PTPRH: variants seen among roughly 807,000 people sequenced by gnomAD.
PTPRH encodes receptor-type tyrosine-protein phosphatase H.
In PTPRH, 113 loss-of-function variants were observed where a neutral mutation model predicts 130.2. The observed-to-expected ratio is 0.87, with a 90% CI of 0.75 to 1.01. The LOEUF (loss-of-function observed/expected upper bound fraction) is 1.01, where lower values mean the gene tolerates loss of function less well. PTPRH is among the 50% of genes least tolerant of loss of function. The pLI, the probability that PTPRH is intolerant of heterozygous loss-of-function variation, is 0.00. For synonymous variants in PTPRH, 556 were observed against 577.9 expected (o/e 0.96, Z 0.54); for missense variants, 1,430 against 1,425.0 (o/e 1.00, Z -0.06).
In PTPRH at chr19:55,181,713, G is replaced by T. The variant is rs8112238; in HGVS notation, c.*41C>A. 1.2e-6 allele frequency: 2 copies of T among 1,612,296 alleles called. No individual in the cohort carries two copies. The highest frequency in any genetic ancestry group is 1.7e-6 in the Non-Finnish European group (2 of 1,179,132). On this transcript the variant is annotated 3_prime_UTR_variant, in exon 20 of 20. Transcript: ENST00000376350. ...ATCTGGGCTCAAGTGGGTGTCCAGA[G>T]CTTGAGGATGCCTGGGCTGCCGACC... is the stretch of plus-strand genomic sequence containing the variant.
chr19:55,202,088 T>C lies in PTPRH; in HGVS notation c.1121A>G (p.Asn374Ser), dbSNP rs199800897. 1 of 1,614,186 alleles carries C rather than the reference T, an allele frequency of 6.2e-7. No homozygotes were observed. Residue 374 changes from asparagine to serine, a missense_variant, in exon 6 of 20, where the codon AAC becomes AGC. Physicochemically the swap from Asn to Ser is conservative, Grantham distance 46. Coordinates refer to ENST00000376350, the MANE Select transcript of PTPRH (RefSeq NM_002842.5). The part of the protein sequence containing the change: ...FSVWVGKNGI[N>S]SSRETRNATT... Reference sequence around the variant, plus strand: ...GGCATTTCGAGTCTCCCGGGAGCTGTTGATTCCATTCTTCCCCACCCACAC... The same window carrying C: ...GGCATTTCGAGTCTCCCGGGAGCTGCTGATTCCATTCTTCCCCACCCACAC...
In PTPRH at chr19:55,202,289, G is replaced by A; in HGVS notation, c.920C>T (p.Ala307Val). 5.6e-6 allele frequency: 9 copies of A among 1,614,234 alleles called. No homozygotes were observed. Among genetic ancestry groups the A allele is most frequent in the Non-Finnish European group, 7.6e-6 (9 of 1,180,042 alleles). Residue 307 changes from alanine (A) to valine (V), a missense_variant, in exon 6 of 20, where the codon GCT becomes GTT. By Grantham distance (64) the Ala-to-Val change is moderately conservative (BLOSUM62 0). Coordinates refer to ENST00000376350, the MANE Select transcript of PTPRH (RefSeq NM_002842.5). ...CAGGGCGATGGAGCTGTTGGTCTGA[G>A]CCTCCACTGTCAGGTTTCTCACTGG... ...PNPVRNLTVE[A>V]QTNSSIALTW... is the part of the protein sequence containing the mutation.
intron 12 of PTPRH, among the ~76,000 whole-genome samples, chr19:55,188,710 C>T (rs2147416370): frequency 6.6e-6 from 1 of 152,184 alleles, no homozygotes; most frequent in East Asian, 1.9e-4. Flanking sequence ...ATTGCAAAGG[C>T]CACGTTTCAG....
chr19:55,203,175 A>C (rs1258660016), intron 5 of PTPRH, among the ~76,000 whole-genome samples: 1 of 151,030 alleles, frequency 6.6e-6, no homozygotes, highest in Non-Finnish European at 1.5e-5. Context: ...AAAATACAAA[A>C]AATTAGCCAG....
intron 7 of PTPRH, among the ~76,000 whole-genome samples, chr19:55,199,236 G>A (rs2086781586): frequency 6.6e-6 from 1 of 152,214 alleles, no homozygotes; most frequent in Non-Finnish European, 1.5e-5. Flanking sequence ...GAGCTTGGGA[G>A]GTTCAGTCTG....
chr19:55,185,476 G>C (rs2086291691), intron 18 of PTPRH, 26 bp downstream of exon 18: 2 of 1,611,722 alleles, frequency 1.2e-6, no homozygotes, highest in Non-Finnish European at 1.7e-6. Context: ...TTCTCTCAAG[G>C]GAGAGGGTCC....
At chr19:55,201,053 C>T (rs1316758239) in intron 6 of PTPRH, among the ~76,000 whole-genome samples, 1 of 152,162 alleles carries the variant, frequency 6.6e-6, no homozygotes, top group Non-Finnish European at 1.5e-5. Flanking sequence ...GCCTTTATGC[C>T]TGGGGTTACT....
chr19:55,202,135 G>A lies in PTPRH; in HGVS notation c.1074C>T (p.Pro358=), dbSNP rs768762218. 7.4e-6 allele frequency: 12 copies of A among 1,614,160 alleles called. No individual in the cohort carries two copies. The highest frequency in any genetic ancestry group is 6.6e-5 in the South Asian group (6 of 91,082). Reference sequence around the variant, plus strand: ...ACACGGAAAACACATACAAACACCCGGGTTCAAGTCTATCCACGGTGATGT... The same window carrying A: ...ACACGGAAAACACATACAAACACCCAGGTTCAAGTCTATCCACGGTGATGT... ...HTNITVDRLE[P]GCLYVFSVWV... The change falls in exon 6 of 20, where the codon CCC becomes CCT. Residue 358 remains proline (P), a synonymous_variant. Coordinates refer to ENST00000376350, the MANE Select transcript of PTPRH (RefSeq NM_002842.5).
chr19:55,185,702 T>C, intron 17 of PTPRH, 40 bp from the exon 18 acceptor site: 1 of 1,606,660 alleles, frequency 6.2e-7, no homozygotes, highest in Non-Finnish European at 8.5e-7. Context: ...GAGATGAATG[T>C]AGGGAGGACC....
rs537121826 is a variant in PTPRH, at chr19:55,194,954, G to A, written c.2257+1568C>T. 1.7e-3 allele frequency among the ~76,000 whole-genome samples: 256 copies of A among 152,256 alleles called. 1 individual carries two copies. The highest frequency in any genetic ancestry group is 2.5e-3 in the Non-Finnish European group (170 of 68,020). The stretch of plus-strand genomic sequence containing the variant: ...TGTAATCCCAACACTTTGGGAGGAG[G>A]AGCCAGGAGGATTACTTCAGGTCAG... On this transcript the variant is annotated intron_variant, in intron 10 of 19. Coordinates refer to ENST00000376350, the MANE Select transcript of PTPRH (RefSeq NM_002842.5).
chr19:55,202,040 G>A lies in PTPRH; in HGVS notation c.1153+16C>T, dbSNP rs750566419. 14 of 1,613,016 alleles carry A rather than the reference G, an allele frequency of 8.7e-6. No homozygotes were observed. The highest frequency in any genetic ancestry group is 1.2e-5 in the Non-Finnish European group (14 of 1,179,238). On this transcript the variant is annotated intron_variant, in intron 6 of 19. Coordinates refer to ENST00000376350, the MANE Select transcript of PTPRH (RefSeq NM_002842.5). ...TAAACAAATAAGAGATCAAACAAATGGCGACTGCCTCTCACCTGTGGTGGC... is the reference window on the plus strand; with the variant it reads ...TAAACAAATAAGAGATCAAACAAATAGCGACTGCCTCTCACCTGTGGTGGC...
intron 10 of PTPRH, chr19:55,192,216 C>A (rs2086563475): frequency 2.9e-6 from 1 of 344,222 alleles, no homozygotes; most frequent in Admixed American, 4.1e-5. Flanking sequence ...TCCTGGTTAA[C>A]ACGGTGAAAC....
chr19:55,189,861 G>C (rs1169977517), intron 12 of PTPRH: 1 of 404,274 alleles, frequency 2.5e-6, no homozygotes, highest in Non-Finnish European at 5.0e-6. Flanking sequence ...AGGCATTGTG[G>C]TGCGTGCCTG....
intron 10 of PTPRH, among the ~76,000 whole-genome samples, chr19:55,192,614 C>T (rs912977826): frequency 1.5e-4 from 23 of 150,610 alleles, no homozygotes; most frequent in Non-Finnish European, 2.8e-4. Context: ...TGCAGTGGTG[C>T]GACCTCGGCT....
rs758059235 is a variant in PTPRH at position 55,197,275 on chromosome 19, C to T, written c.1832G>A (p.Gly611Glu). 10 of 1,614,248 alleles carry T rather than the reference C, an allele frequency of 6.2e-6. No individual in the cohort carries two copies. The highest frequency in any genetic ancestry group is 1.3e-5 in the African/African-American group (1 of 75,058). The change falls in exon 9 of 20, where the codon GGG becomes GAG. Residue 611 changes from glycine to glutamate, a missense_variant. Gly to Glu is a moderately conservative substitution (Grantham distance 98). Transcript: ENST00000376350. Reference protein sequence around the residue: ...QWASKGHPRRGQDPQANWVNQ... With the variant: ...QWASKGHPRREQDPQANWVNQ... ...GACCCAATTCGCTTGGGGATCTTGCCCCCTCCGGGGATGTCCCTTGCTGGC... is the reference window on the plus strand; with the variant it reads ...GACCCAATTCGCTTGGGGATCTTGCTCCCTCCGGGGATGTCCCTTGCTGGC...
chr19:55,189,742 A>G (rs1219960664), intron 12 of PTPRH: 1 of 455,946 alleles, frequency 2.2e-6, no homozygotes, highest in Non-Finnish European at 4.4e-6. Context: ...ACACTTTGGG[A>G]GGCCGAGGTG....
At chr19:55,189,316 CAT>C (rs1568898215) in intron 12 of PTPRH, among the ~76,000 whole-genome samples, 1 of 152,210 alleles carries the variant, frequency 6.6e-6, no homozygotes, top group Non-Finnish European at 1.5e-5. Flanking sequence ...ATCTCTTCCA[CAT>C]GTTAGACTTC....
chr19:55,206,915 G>T lies in PTPRH; in HGVS notation c.126C>A (p.Thr42=). The part of the protein sequence containing the change: ...PGRNLTVETQ[T]TSSISLSWEV... ...CCCAGCTCAGGGAGATGGAGCTGGT[G>T]GTCTGAGTCTCCACTGTCAGGTTCC... The change falls in exon 3 of 20, where the codon ACC becomes ACA. Residue 42 remains threonine (T), a synonymous_variant. Transcript: ENST00000376350. 1 of 1,610,862 alleles carries T rather than the reference G, an allele frequency of 6.2e-7. No homozygotes were observed. Among genetic ancestry groups the T allele is most frequent in the South Asian group, 1.1e-5 (1 of 90,810 alleles).
intron 12 of PTPRH, among the ~76,000 whole-genome samples, chr19:55,190,592 AT>A (rs2086505055): frequency 7.4e-6 from 1 of 134,984 alleles, no homozygotes. Context: ...TATATTATAA[AT>A]TTATATATTA....
Sources: allele counts gnomAD v4.1 joint callset (sites outside exome capture counted in the v4.1 genomes callset), GRCh38; gene constraint gnomAD v4.1.1; transcripts MANE v1.5; gene names NCBI Gene and HGNC (gene_info 2026-07-23, HGNC 2026-07-21).